The following EXOSC2 variants were observed in gnomAD, a reference collection of about 807,000 sequenced individuals.
EXOSC2 encodes exosome complex component RRP4.
EXOSC2 carries 29 observed loss-of-function variants against 37.6 expected under a neutral mutation model. The observed-to-expected ratio is 0.77, with a 90% CI of 0.57 to 1.05. EXOSC2 has a LOEUF of 1.05. EXOSC2 is among the 50% of genes least tolerant of loss of function. The pLI is 0.00. For synonymous variants in EXOSC2, 119 were observed against 131.1 expected, an observed-to-expected ratio of 0.91 and a Z score of 0.63; for missense variants, 346 against 365.6, an observed-to-expected ratio of 0.95 and a Z score of 0.44.
chr9:130,701,149 T>C, intron 6 of EXOSC2: 1 of 496,744 alleles, frequency 2.0e-6, no homozygotes, highest in Non-Finnish European at 3.6e-6. Flanking sequence ...AAGAACAAGT[T>C]TTATCCTTTT....
rs371298052 is a variant in EXOSC2 at position 130,697,645 on chromosome 9, T to A, written c.270+18T>A. On this transcript the variant is annotated intron_variant, in intron 3 of 8. Coordinates refer to ENST00000372358, the MANE Select transcript of EXOSC2 (RefSeq NM_014285.7). ...TCACAGAGGTAACGTCGATATCAGA[T>A]TGGTGTTTACAAAGTCGAGGCAGGC... 2.4e-5 allele frequency: 38 copies of A among 1,613,198 alleles called. No homozygotes were observed. Among genetic ancestry groups the A allele is most frequent in the Non-Finnish European group, 3.1e-5 (36 of 1,179,258 alleles).
At chr9:130,695,855 CTTTTTTTTTTT>C (rs397721632) in intron 2 of EXOSC2, among the ~76,000 whole-genome samples, 1 of 111,206 alleles carries the variant, frequency 9.0e-6, no homozygotes, top group Non-Finnish European at 1.8e-5. Context: ...AGGATTTTCT[CTTTTTTTTTTT>C]TTTTTTTTTT....
At chr9:130,699,203 T>C in intron 4 of EXOSC2, 126 bp from the exon 5 acceptor site, 2 of 946,190 alleles carry the variant, frequency 2.1e-6, no homozygotes, top group Non-Finnish European at 3.4e-6. Context: ...TACCTACTCT[T>C]GCTATAGTTC....
At chr9:130,697,127 G>A (rs750879689) in intron 2 of EXOSC2, among the ~76,000 whole-genome samples, 16 of 152,188 alleles carry the variant, frequency 1.1e-4, no homozygotes, top group Non-Finnish European at 2.1e-4. Flanking sequence ...CACTGAGTAC[G>A]TCTCATTAGA....
intron 2 of EXOSC2, among the ~76,000 whole-genome samples, chr9:130,697,010 T>C (rs539496078): frequency 4.6e-5 from 7 of 152,116 alleles, no homozygotes; most frequent in Admixed American, 2.6e-4. Flanking sequence ...AGCAGTTGAG[T>C]AGGATTTGGA....
At chr9:130,702,061 T>C in intron 6 of EXOSC2, 73 bp from the exon 7 acceptor site, 8 of 1,539,626 alleles carry the variant, frequency 5.2e-6, no homozygotes, top group Non-Finnish European at 6.1e-6. Context: ...ACTTAGGATG[T>C]ATATTCTGTA....
rs1037858557 is a variant in EXOSC2 at position 130,698,366 on chromosome 9, G to A, written c.360+115G>A. 2.3e-6 allele frequency: 2 copies of A among 856,878 alleles called. No homozygotes were observed. Among genetic ancestry groups the A allele is most frequent in the Admixed American group, 2.3e-5 (1 of 43,342 alleles). The allele number at this position is 856,878 out of a possible 1,614,324, so 53.1% of individuals were successfully genotyped here. ...CACTGAGGTTGCCCCTTTGACTCCT[G>A]TTTGTCTGCTGTGAAGTTTGCTGCC... On this transcript the variant is annotated intron_variant, in intron 4 of 8. Coordinates refer to ENST00000372358, the MANE Select transcript of EXOSC2 (RefSeq NM_014285.7). This position sits in a 1 kb window ranked among gnomAD's most constrained non-coding sequence, Gnocchi z 4.1.
chr9:130,698,279 T>G lies in EXOSC2; in HGVS notation c.360+28T>G. ...AAGGGCTACAGCTGGGGCCATGGAC[T>G]AGGGCCCAGTGGGCTGGGGGGAGCC... On this transcript the variant is annotated intron_variant, in intron 4 of 8. Transcript: ENST00000372358. The surrounding 1 kb of genome is among the most constrained non-coding windows in gnomAD (Gnocchi z 4.1). 6.3e-7 allele frequency: 1 copy of G among 1,581,746 alleles called. No homozygotes were observed. The highest frequency in any genetic ancestry group is 1.1e-5 in the South Asian group (1 of 90,398).
At position 130,703,890 on chromosome 9, in the gene EXOSC2, G is replaced by A. The variant is rs530567915; in HGVS notation, c.*116G>A. 1.3e-5 allele frequency: 11 copies of A among 852,462 alleles called. No homozygotes were observed. The highest frequency in any genetic ancestry group is 7.8e-5 in the East Asian group (3 of 38,222). The allele number at this position is 852,462 out of a possible 1,614,324, so 52.8% of individuals were successfully genotyped here. On this transcript the variant is annotated 3_prime_UTR_variant, in exon 9 of 9. Coordinates refer to ENST00000372358, the MANE Select transcript of EXOSC2 (RefSeq NM_014285.7). ...AGATCATCCCTTTGTCTGCATTGAC[G>A]GCCCTGTGACGGCCTCCAGCCCACA...
intron 5 of EXOSC2, among the ~76,000 whole-genome samples, chr9:130,700,294 C>T (rs7039880): frequency 0.032 from 4,921 of 151,612 alleles, 262 homozygotes; most frequent in African/African-American, 0.11. Context: ...GCTGGGATTA[C>T]GGGCATGAGC....
Position 130,701,218 on chromosome 9 carries a change from A to G in EXOSC2, c.495+283A>G. On this transcript the variant is annotated intron_variant, in intron 6 of 8. Coordinates refer to ENST00000372358, the MANE Select transcript of EXOSC2 (RefSeq NM_014285.7). ...CCTCCAACTGTGGGCTGGGAGGTGC[A>G]GCTGTCTCTCTTCCTCCAGGGGGCG... 2 of 355,900 alleles carry G rather than the reference A, an allele frequency of 5.6e-6. 1 individual carries two copies. The highest frequency in any genetic ancestry group is 5.7e-5 in the South Asian group (2 of 35,116). The allele number at this position is 355,900 out of a possible 1,614,324, so 22.0% of individuals were successfully genotyped here.
intron 2 of EXOSC2, among the ~76,000 whole-genome samples, chr9:130,696,214 C>T (rs922021343): frequency 2.0e-5 from 3 of 152,168 alleles, no homozygotes; most frequent in African/African-American, 7.2e-5. Flanking sequence ...GTATTTAGCA[C>T]AGAGCCTGAT....
chr9:130,702,581 T>TTTTGTTTG (rs58698988), intron 7 of EXOSC2, among the ~76,000 whole-genome samples: 11 of 151,194 alleles, frequency 7.3e-5, no homozygotes, highest in African/African-American at 2.2e-4. Context: ...TTTTCTGTTT[T>TTTTGTTTG]TTTGTTTGTT....
At chr9:130,702,396 T>C (rs1318639292) in intron 7 of EXOSC2, 86 bp downstream of exon 7, 16 of 1,167,814 alleles carry the variant, frequency 1.4e-5, no homozygotes, top group Non-Finnish European at 2.0e-5. Flanking sequence ...TTGGTTGTTT[T>C]TAGCTATGTT....
rs1455984546 is a variant in EXOSC2 at position 130,693,904 on chromosome 9, G to A, written c.113G>A (p.Gly38Glu). 17 of 1,606,894 alleles carry A rather than the reference G, an allele frequency of 1.1e-5. No homozygotes were observed. Among genetic ancestry groups the A allele is most frequent in the Non-Finnish European group, 1.2e-5 (14 of 1,174,856 alleles). The change falls in exon 1 of 9, where the codon GGA becomes GAA. Residue 38 changes from glycine (G) to glutamate (E), a missense_variant. Coordinates refer to ENST00000372358, the MANE Select transcript of EXOSC2 (RefSeq NM_014285.7). ...GGGGATACAATCACTACGGACACAGGATTCATGCGGTACGTGGGGACTTGG... is the reference window on the plus strand; with the variant it reads ...GGGGATACAATCACTACGGACACAGAATTCATGCGGTACGTGGGGACTTGG... ...VPGDTITTDT[G>E]FMRGHGTYMG... is the part of the protein sequence containing the mutation.
chr9:130,702,599 T>C (rs1309531288), intron 7 of EXOSC2, among the ~76,000 whole-genome samples: 4 of 151,930 alleles, frequency 2.6e-5, no homozygotes, highest in Admixed American at 2.6e-4. Flanking sequence ...GTTTGTTTTG[T>C]TTTGTTTTGT....
intron 8 of EXOSC2, 105 bp downstream of exon 8, chr9:130,703,286 A>G (rs1397075650): frequency 1.3e-5 from 18 of 1,356,736 alleles, no homozygotes; most frequent in East Asian, 2.4e-5. Flanking sequence ...AACATCCGTC[A>G]GTATGAACTG....
chr9:130,701,028 C>T (rs532043052), intron 6 of EXOSC2, 93 bp downstream of exon 6: 64 of 1,194,904 alleles, frequency 5.4e-5, no homozygotes, highest in African/African-American at 2.0e-4. Flanking sequence ...GCCTAAAGAA[C>T]CCCAGTAGCT....
At chr9:130,695,090 T>G (rs1057257641) in intron 1 of EXOSC2, among the ~76,000 whole-genome samples, 1 of 152,082 alleles carries the variant, frequency 6.6e-6, no homozygotes, top group African/African-American at 2.4e-5. Flanking sequence ...TATGGCAGAG[T>G]GAAAAATCTC....
Sources: allele counts gnomAD v4.1 joint callset (sites outside exome capture counted in the v4.1 genomes callset), GRCh38; gene constraint gnomAD v4.1.1; non-coding constraint Gnocchi (gnomAD v3.1); transcripts MANE v1.5; gene names NCBI Gene and HGNC (gene_info 2026-07-23, HGNC 2026-07-21).